Variants in ERBB4 observed in about 807,000 individuals in gnomAD.
The protein encoded by ERBB4 is erb-b2 receptor tyrosine kinase 4.
A neutral mutation model predicts 158.0 loss-of-function variants in ERBB4; 42 were observed. The ratio of observed to expected loss-of-function variants is 0.27; its 90% CI spans 0.21 to 0.34. ERBB4 has a LOEUF of 0.34. Ranked by LOEUF, ERBB4 falls within the 10% of genes least tolerant of loss-of-function variation. The pLI is 1.00. For synonymous variants in ERBB4, 583 were observed against 558.7 expected (o/e 1.04, Z -0.61); for missense variants, 1,333 against 1,624.1 (o/e 0.82, Z 3.08).
chr2:212,369,966 T>C (rs11892802), intron 1 of ERBB4, among the ~76,000 whole-genome samples: 3,914 of 151,978 alleles, frequency 0.026, 152 homozygotes, highest in African/African-American at 0.088. Context: ...CCAGGGAAAA[T>C]TTAGAAAAAA....
chr2:211,392,830 G>C (rs1309972449), intron 25 of ERBB4, among the ~76,000 whole-genome samples: 1 of 152,082 alleles, frequency 6.6e-6, no homozygotes, highest in Non-Finnish European at 1.5e-5. Context: ...ACCACGCCTG[G>C]CTAATTTTTA....
chr2:211,811,992 G>A (rs1271452441), intron 3 of ERBB4, among the ~76,000 whole-genome samples: 4 of 152,184 alleles, frequency 2.6e-5, no homozygotes, highest in Non-Finnish European at 1.5e-5. Context: ...GCATGGAGAA[G>A]TTTGTTATTA....
intron 1 of ERBB4, among the ~76,000 whole-genome samples, chr2:212,144,637 A>G (rs548963183): frequency 3.3e-5 from 5 of 152,144 alleles, no homozygotes; most frequent in African/African-American, 9.7e-5. Context: ...TTATGTTTCT[A>G]TTTGCAAAGT....
chr2:211,766,721 C>T (rs6435668), intron 4 of ERBB4, among the ~76,000 whole-genome samples: 11 of 152,030 alleles, frequency 7.2e-5, no homozygotes, highest in Admixed American at 2.6e-4. Context: ...GGGAACCTAA[C>T]GCCGATCTGT....
chr2:211,821,855 C>A (rs1442734781), intron 3 of ERBB4, among the ~76,000 whole-genome samples: 2 of 151,856 alleles, frequency 1.3e-5, no homozygotes, highest in Non-Finnish European at 2.9e-5. Flanking sequence ...ATAGTTAATT[C>A]AAAATGGATC....
intron 20 of ERBB4, among the ~76,000 whole-genome samples, chr2:211,481,847 C>T (rs1042047392): frequency 6.6e-6 from 1 of 152,110 alleles, no homozygotes; most frequent in Non-Finnish European, 1.5e-5. Flanking sequence ...TGTTGATTTA[C>T]TCTCCCAACT....
chr2:212,312,449 A>C (rs981582491), intron 1 of ERBB4, among the ~76,000 whole-genome samples: 1 of 150,958 alleles, frequency 6.6e-6, no homozygotes, highest in African/African-American at 2.4e-5. Context: ...TTCTAATAAA[A>C]TGTCTATTTT....
intron 2 of ERBB4, among the ~76,000 whole-genome samples, chr2:211,964,222 T>A (rs2081256012): frequency 6.6e-6 from 1 of 152,136 alleles, no homozygotes; most frequent in South Asian, 2.1e-4. Flanking sequence ...GACATCAATA[T>A]CCCCTCCTCT....
intron 19 of ERBB4, among the ~76,000 whole-genome samples, chr2:211,563,763 C>T (rs1352960174): frequency 1.3e-5 from 2 of 151,142 alleles, no homozygotes; most frequent in Non-Finnish European, 2.9e-5. Flanking sequence ...TTTACTCACA[C>T]AGGGAGGGAG....
intron 25 of ERBB4, among the ~76,000 whole-genome samples, chr2:211,409,431 A>G (rs1187895183): frequency 1.3e-5 from 2 of 152,170 alleles, no homozygotes; most frequent in Non-Finnish European, 2.9e-5. Flanking sequence ...GTGTTTGAGA[A>G]TTTTGAAACA....
At chr2:212,099,896 A>C (rs974538516) in intron 2 of ERBB4, among the ~76,000 whole-genome samples, 1 of 151,812 alleles carries the variant, frequency 6.6e-6, no homozygotes, top group African/African-American at 2.4e-5. Context: ...TCTGCAGCAT[A>C]CTAATTCCAT....
intron 2 of ERBB4, among the ~76,000 whole-genome samples, chr2:212,023,528 A>G (rs996864228): frequency 1.3e-5 from 2 of 152,010 alleles, no homozygotes; most frequent in Non-Finnish European, 2.9e-5. Context: ...TTTAAAAAAA[A>G]CAGATGAATA....
chr2:212,228,477 T>C (rs569069187), intron 1 of ERBB4, among the ~76,000 whole-genome samples: 1 of 152,158 alleles, frequency 6.6e-6, no homozygotes, highest in South Asian at 2.1e-4. Context: ...GAATTATGAA[T>C]CTTCAAGGTC....
intron 3 of ERBB4, among the ~76,000 whole-genome samples, chr2:211,815,906 T>C (rs1006564567): frequency 4.6e-5 from 7 of 152,138 alleles, no homozygotes; most frequent in African/African-American, 1.4e-4. Context: ...CCCTTGGACG[T>C]CAGACTCCAG....
chr2:211,658,435 T>A (rs991031511), intron 15 of ERBB4, among the ~76,000 whole-genome samples: 1 of 152,172 alleles, frequency 6.6e-6, no homozygotes, highest in Non-Finnish European at 1.5e-5. Context: ...AATAACCTGA[T>A]GCTCAATGCT....
intron 1 of ERBB4, among the ~76,000 whole-genome samples, chr2:212,371,166 A>G (rs796964713): frequency 1.3e-5 from 2 of 152,094 alleles, no homozygotes; most frequent in South Asian, 4.1e-4. Context: ...TCCCCAGCCT[A>G]TGGGTTTCAT....
rs1024726418 is a variant in ERBB4 at position 212,229,320 on chromosome 2, G to A, written c.83-104417C>T. Among the ~76,000 whole-genome samples the A allele has an allele frequency of 1.1e-4, 17 of 152,278 alleles. 1 individual carries two copies. The highest frequency in any genetic ancestry group is 2.2e-4 in the African/African-American group (9 of 41,558). On this transcript the variant is annotated intron_variant, in intron 1 of 27. Transcript: ENST00000342788. Reference sequence around the variant, plus strand: ...CAAATAAAAAACAAAAAGATGCCTCGGTGAAGTCTGGATGGACTCAAGTCA... The same window carrying A: ...CAAATAAAAAACAAAAAGATGCCTCAGTGAAGTCTGGATGGACTCAAGTCA...
intron 1 of ERBB4, among the ~76,000 whole-genome samples, chr2:212,127,997 G>T (rs2079994959): frequency 6.6e-6 from 1 of 152,094 alleles, no homozygotes; most frequent in East Asian, 1.9e-4. Context: ...GTGGTATGTT[G>T]TTACTATTTG....
chr2:212,119,685 G>A (rs1184722478), intron 2 of ERBB4, among the ~76,000 whole-genome samples: 1 of 152,122 alleles, frequency 6.6e-6, no homozygotes, highest in Non-Finnish European at 1.5e-5. Context: ...GTAGTTGAAT[G>A]TTAAACATAG....
Sources: allele counts gnomAD v4.1 joint callset (sites outside exome capture counted in the v4.1 genomes callset), GRCh38; gene constraint gnomAD v4.1.1; transcripts MANE v1.5; gene names NCBI Gene and HGNC (gene_info 2026-07-23, HGNC 2026-07-21).